Variants in SFMBT2 observed in about 807,000 individuals in gnomAD.
SFMBT2 encodes scm-like with four MBT domains protein 2.
Under a neutral mutation model 110.1 loss-of-function variants are expected in SFMBT2, and 38 were observed. The observed-to-expected ratio is 0.35, with a 90% CI of 0.27 to 0.45. SFMBT2 has a LOEUF of 0.45. Among genes scored for constraint, SFMBT2 ranks in the 20% least tolerant of loss-of-function variants. The pLI, the probability that SFMBT2 is intolerant of heterozygous loss-of-function variation, is 1.00. For synonymous variants in SFMBT2, 425 were observed against 425.4 expected, an observed-to-expected ratio of 1.00 and a Z score of 0.01; for missense variants, 1,011 against 1,094.9, an observed-to-expected ratio of 0.92 and a Z score of 1.08.
Position 7,197,601 on chromosome 10 carries a change from C to T in SFMBT2, c.1645G>A (p.Ala549Thr). Residue 549 changes from alanine to threonine, a missense_variant, in exon 15 of 21, where the codon GCA becomes ACA. Physicochemically the swap from Ala to Thr is moderately conservative, Grantham distance 58 (BLOSUM62 0). Around this residue, in one of 2 missense-constraint regions of SFMBT2, gnomAD observed 979 missense variants for 1,016.1 expected, o/e 0.96. Transcript: ENST00000397167. ...GGTCCCACCGACTGAGGTAGCTCTGCAATCCTTCCTTTGTTCAGGTAAGGG... is the reference window on the plus strand; with the variant it reads ...GGTCCCACCGACTGAGGTAGCTCTGTAATCCTTCCTTTGTTCAGGTAAGGG... Reference protein sequence around the residue: ...SGPYLNKGRIAELPQSVGPGK... With the variant: ...SGPYLNKGRITELPQSVGPGK... 1.2e-6 allele frequency: 2 copies of T among 1,614,240 alleles called. No homozygotes were observed. The highest frequency in any genetic ancestry group is 1.7e-6 in the Non-Finnish European group (2 of 1,180,044).
chr10:7,209,731 G>A (rs2131622251), intron 11 of SFMBT2, among the ~76,000 whole-genome samples: 1 of 152,360 alleles, frequency 6.6e-6, no homozygotes, highest in South Asian at 2.1e-4. Flanking sequence ...CTAACACAGT[G>A]GGTGTCCACA....
At chr10:7,312,923 T>C (rs1348560748) in intron 4 of SFMBT2, among the ~76,000 whole-genome samples, 1 of 152,204 alleles carries the variant, frequency 6.6e-6, no homozygotes, top group East Asian at 1.9e-4. Context: ...GGATTGGGGA[T>C]GCTTCCAGGT....
chr10:7,209,880 G>C (rs374252582), intron 11 of SFMBT2, among the ~76,000 whole-genome samples: 4 of 152,108 alleles, frequency 2.6e-5, no homozygotes, highest in African/African-American at 9.7e-5. Context: ...CACCACCATT[G>C]TAACAATACA....
chr10:7,410,189 A>T (rs1429857638), intron 1 of SFMBT2, among the ~76,000 whole-genome samples: 1 of 152,266 alleles, frequency 6.6e-6, no homozygotes, highest in African/African-American at 2.4e-5. Flanking sequence ...AGAGAAAATA[A>T]TGAACAAAAA....
chr10:7,278,425 C>A (rs1160421608), intron 6 of SFMBT2, among the ~76,000 whole-genome samples: 1 of 152,140 alleles, frequency 6.6e-6, no homozygotes, highest in Non-Finnish European at 1.5e-5. Context: ...GCACTGCATC[C>A]AAACCACGGA....
rs773544900 is a variant in SFMBT2 at position 7,163,530 on chromosome 10, G to A, written c.*240C>T. 6 of 439,556 alleles carry A rather than the reference G, an allele frequency of 1.4e-5. No individual in the cohort carries two copies. Among genetic ancestry groups the A allele is most frequent in the Admixed American group, 7.9e-5 (2 of 25,254 alleles). The allele number at this position is 439,556 out of a possible 1,614,324, so 27.2% of individuals were successfully genotyped here. A position where few individuals can be genotyped will look rare whatever the true frequency, so the allele number is the denominator to read the frequency against. Reference sequence around the variant, plus strand: ...TGGGTGAGCCAAGAAGCAGGCCCACGTCTGGCAGGGTCTGATGCATGACTT... The same window carrying A: ...TGGGTGAGCCAAGAAGCAGGCCCACATCTGGCAGGGTCTGATGCATGACTT... On this transcript the variant is annotated 3_prime_UTR_variant, in exon 21 of 21. Transcript: ENST00000397167. This position sits in a 1 kb window ranked among gnomAD's most constrained non-coding sequence, Gnocchi z 4.8.
chr10:7,294,124 T>G (rs1444510970), intron 4 of SFMBT2, among the ~76,000 whole-genome samples: 1 of 152,170 alleles, frequency 6.6e-6, no homozygotes, highest in East Asian at 1.9e-4. Flanking sequence ...ACTTCCCCAC[T>G]GCTAGGGTGG....
intron 2 of SFMBT2, among the ~76,000 whole-genome samples, chr10:7,375,415 C>A (rs914139421): frequency 3.9e-5 from 6 of 152,116 alleles, no homozygotes; most frequent in Non-Finnish European, 5.9e-5. Context: ...CGGGAATTGG[C>A]AGATTCAGGG....
At chr10:7,274,494 G>A (rs1276194293) in intron 7 of SFMBT2, among the ~76,000 whole-genome samples, 1 of 152,152 alleles carries the variant, frequency 6.6e-6, no homozygotes, top group South Asian at 2.1e-4. Context: ...CATGAGATCT[G>A]ATGATAAGGG....
At chr10:7,224,115 G>A (rs922625363) in intron 10 of SFMBT2, among the ~76,000 whole-genome samples, 1 of 152,126 alleles carries the variant, frequency 6.6e-6, no homozygotes, top group Non-Finnish European at 1.5e-5. Flanking sequence ...TTTGTCTTGA[G>A]CAATGTGGGA....
At chr10:7,381,754 T>C (rs1364316453) in intron 2 of SFMBT2, 45 bp downstream of exon 2, 2 of 1,589,914 alleles carry the variant, frequency 1.3e-6, no homozygotes, top group Admixed American at 1.7e-5. Flanking sequence ...AAGATATTGA[T>C]CAATTCATCA....
chr10:7,305,645 T>C (rs1390408707), intron 4 of SFMBT2, among the ~76,000 whole-genome samples: 2 of 152,212 alleles, frequency 1.3e-5, no homozygotes, highest in Admixed American at 6.5e-5. Context: ...GAAAACCAGA[T>C]ACCTAACTGG....
chr10:7,391,982 T>G (rs565956546), intron 1 of SFMBT2, among the ~76,000 whole-genome samples: 34 of 152,362 alleles, frequency 2.2e-4, no homozygotes, highest in Non-Finnish European at 4.3e-4. Context: ...CTGTTTATAT[T>G]ATTTTTTCAC....
At chr10:7,357,899 C>A (rs1328885055) in intron 4 of SFMBT2, among the ~76,000 whole-genome samples, 1 of 152,042 alleles carries the variant, frequency 6.6e-6, no homozygotes, top group Non-Finnish European at 1.5e-5. Context: ...GGAATGTTGG[C>A]ACAGCCCTGG....
chr10:7,363,971 G>C (rs897464705), intron 4 of SFMBT2, among the ~76,000 whole-genome samples: 12 of 152,056 alleles, frequency 7.9e-5, no homozygotes, highest in Non-Finnish European at 1.8e-4. Context: ...CCACAGCAAA[G>C]ATCGACCAGG....
intron 6 of SFMBT2, among the ~76,000 whole-genome samples, chr10:7,281,012 G>A (rs1841937282): frequency 6.6e-6 from 1 of 152,184 alleles, no homozygotes; most frequent in Admixed American, 6.5e-5. Flanking sequence ...AGGCTGAGGT[G>A]GGCAGGTCAC....
At chr10:7,186,474 A>ATATAT (rs575700146) in intron 16 of SFMBT2, among the ~76,000 whole-genome samples, 2 of 139,202 alleles carry the variant, frequency 1.4e-5, no homozygotes, top group African/African-American at 5.6e-5. Context: ...ATATATATAT[A>ATATAT]AAAATATTTT....
At chr10:7,314,977 G>GA (rs1564435154) in intron 4 of SFMBT2, among the ~76,000 whole-genome samples, 6 of 131,878 alleles carry the variant, frequency 4.5e-5, no homozygotes, top group Non-Finnish European at 9.5e-5. Context: ...AGAGAGAGAG[G>GA]GAGAAAGAGA....
chr10:7,264,278 T>C (rs1261779221), intron 7 of SFMBT2: 6 of 229,788 alleles, frequency 2.6e-5, no homozygotes, highest in Non-Finnish European at 4.3e-5. Flanking sequence ...CTCAATGCAG[T>C]GCACTGCCGT....
Sources: allele counts gnomAD v4.1 joint callset (sites outside exome capture counted in the v4.1 genomes callset), GRCh38; gene constraint gnomAD v4.1.1; regional missense constraint gnomAD v4.1.1; non-coding constraint Gnocchi (gnomAD v3.1); transcripts MANE v1.5; gene names NCBI Gene and HGNC (gene_info 2026-07-23, HGNC 2026-07-21).